Variants in INPP4B observed in about 807,000 individuals in gnomAD.
INPP4B encodes the protein inositol polyphosphate 4-phosphatase type II.
A neutral mutation model predicts 122.5 loss-of-function variants in INPP4B; 55 were observed. The ratio of observed to expected loss-of-function variants is 0.45; its 90% confidence interval spans 0.36 to 0.56. The LOEUF is 0.56. Ranked by LOEUF, INPP4B falls within the 20% of genes least tolerant of loss-of-function variation. The pLI is 0.00. For synonymous variants in INPP4B, 403 were observed against 388.7 expected (o/e 1.04, Z -0.43); for missense variants, 1,000 against 1,097.7 (o/e 0.91, Z 1.26).
At chr4:142,035,314 C>T (rs1023153231) in intron 25 of INPP4B, among the ~76,000 whole-genome samples, 8 of 152,158 alleles carry the variant, frequency 5.3e-5, no homozygotes, top group Admixed American at 2.0e-4. Flanking sequence ...ATCGTCCCAA[C>T]GTAGGTGCAC....
intron 16 of INPP4B, among the ~76,000 whole-genome samples, chr4:142,169,137 A>T (rs531315287): frequency 1.3e-5 from 2 of 151,216 alleles, no homozygotes; most frequent in South Asian, 4.2e-4. Flanking sequence ...TCTTATCTTT[A>T]TTTTTCTTAT....
At chr4:142,238,608 A>G (rs181683162) in intron 11 of INPP4B, among the ~76,000 whole-genome samples, 245 of 152,194 alleles carry the variant, frequency 1.6e-3, no homozygotes, top group African/African-American at 5.6e-3. Context: ...AATACCAAGC[A>G]TACTTTAGTG....
chr4:142,616,024 G>A (rs1197189787), intron 2 of INPP4B, among the ~76,000 whole-genome samples: 5 of 152,112 alleles, frequency 3.3e-5, no homozygotes, highest in Non-Finnish European at 7.4e-5. Context: ...TTATATGGGA[G>A]AGATGTATGG....
Position 142,460,951 on chromosome 4 carries a change from G to C in INPP4B, c.-127+1712C>G, listed in dbSNP as rs1580124254. ...TCCAGCACTTTGGCAGGCCAAGATG[G>C]GTGGATCATTTGAGCTCAGGGGTTC... On this transcript the variant is annotated intron_variant, in intron 3 of 25. Transcript: ENST00000262992. 3.3e-5 allele frequency among the ~76,000 whole-genome samples: 5 copies of C among 152,086 alleles called. No individual in the cohort carries two copies. In the South Asian group the frequency reaches 1.0e-3, roughly 32 times the overall value.
At chr4:142,430,610 A>G (rs1809100691) in intron 4 of INPP4B, among the ~76,000 whole-genome samples, 1 of 152,100 alleles carries the variant, frequency 6.6e-6, no homozygotes, top group Admixed American at 6.6e-5. Context: ...CAATGATTTT[A>G]TTTACTTGAG....
intron 5 of INPP4B, among the ~76,000 whole-genome samples, chr4:142,421,178 A>C (rs1004220761): frequency 1.3e-5 from 2 of 152,100 alleles, no homozygotes; most frequent in African/African-American, 4.8e-5. Flanking sequence ...TTCAGCCTGG[A>C]ATGCAAATCC....
intron 1 of INPP4B, among the ~76,000 whole-genome samples, chr4:142,738,257 C>T (rs1767298512): frequency 6.6e-6 from 1 of 152,168 alleles, no homozygotes; most frequent in African/African-American, 2.4e-5. Context: ...GGCACATATA[C>T]ACCATGGAAT....
chr4:142,326,358 A>T (rs1473968524), intron 7 of INPP4B, among the ~76,000 whole-genome samples: 3 of 152,226 alleles, frequency 2.0e-5, no homozygotes, highest in African/African-American at 7.2e-5. Context: ...GGAAAGCCAC[A>T]ATCTAAAAAT....
At chr4:142,099,515 A>G (rs1208068991) in intron 23 of INPP4B, among the ~76,000 whole-genome samples, 2 of 152,152 alleles carry the variant, frequency 1.3e-5, no homozygotes, top group Admixed American at 6.6e-5. Flanking sequence ...GTTTATTACT[A>G]TGTAATAGTC....
chr4:142,624,242 T>C (rs545224890), intron 2 of INPP4B, among the ~76,000 whole-genome samples: 1 of 152,102 alleles, frequency 6.6e-6, no homozygotes, highest in Admixed American at 6.6e-5. Flanking sequence ...GTTTCCTGAC[T>C]TTTTAATGAT....
At chr4:142,494,327 T>C (rs1248159497) in intron 2 of INPP4B, among the ~76,000 whole-genome samples, 1 of 152,194 alleles carries the variant, frequency 6.6e-6, no homozygotes, top group Non-Finnish European at 1.5e-5. Flanking sequence ...CCATATGTTA[T>C]AAACACTATA....
intron 25 of INPP4B, among the ~76,000 whole-genome samples, chr4:142,047,279 G>T (rs374217631): frequency 1.5e-5 from 2 of 136,826 alleles, no homozygotes; most frequent in African/African-American, 5.3e-5. Flanking sequence ...AAGGGCACCA[G>T]TTTTTTTCTA....
intron 2 of INPP4B, among the ~76,000 whole-genome samples, chr4:142,599,062 G>A (rs1371486459): frequency 6.6e-6 from 1 of 152,174 alleles, no homozygotes; most frequent in African/African-American, 2.4e-5. Flanking sequence ...GGGGCTGTCA[G>A]TAGTGACGCC....
At chr4:142,429,349 T>G (rs1253289786) in intron 4 of INPP4B, 132 bp from the exon 5 acceptor site, 1 of 557,358 alleles carries the variant, frequency 1.8e-6, no homozygotes, top group Non-Finnish European at 3.2e-6. Context: ...AAACTTGGTT[T>G]ATCAGGGTTA....
intron 2 of INPP4B, among the ~76,000 whole-genome samples, chr4:142,689,298 G>A (rs1301884009): frequency 6.6e-6 from 1 of 152,072 alleles, no homozygotes; most frequent in African/African-American, 2.4e-5. Flanking sequence ...TTACATCCCT[G>A]TTGCACCTTG....
At chr4:142,620,659 G>A (rs748261585) in intron 2 of INPP4B, among the ~76,000 whole-genome samples, 40 of 151,598 alleles carry the variant, frequency 2.6e-4, no homozygotes, top group Non-Finnish European at 5.6e-4. Flanking sequence ...ACTGAAATAA[G>A]AGTTAAAAAA....
intron 3 of INPP4B, among the ~76,000 whole-genome samples, chr4:142,454,862 A>G (rs1815054571): frequency 1.3e-5 from 2 of 152,064 alleles, no homozygotes; most frequent in African/African-American, 4.8e-5. Flanking sequence ...TATACTTCAC[A>G]CTGAGTAGGA....
chr4:142,397,194 A>G (rs1354982858), intron 7 of INPP4B, among the ~76,000 whole-genome samples: 4 of 152,228 alleles, frequency 2.6e-5, no homozygotes, highest in Non-Finnish European at 5.9e-5. Context: ...CCTCTACAAG[A>G]CATCTGTAAC....
At chr4:142,758,461 G>A (rs79787565) in intron 1 of INPP4B, among the ~76,000 whole-genome samples, 10 of 152,220 alleles carry the variant, frequency 6.6e-5, no homozygotes, top group Non-Finnish European at 2.9e-5. Flanking sequence ...AGTGAATGCT[G>A]TCATAATTGT....
Sources: gnomAD v4.1 joint callset for allele counts (sites outside exome capture counted in the v4.1 genomes callset) on GRCh38, gnomAD v4.1.1 for gene constraint, MANE v1.5 for transcripts, NCBI Gene and HGNC (gene_info 2026-07-23, HGNC 2026-07-21) for gene names.